AGBL4: variants seen among roughly 807,000 people sequenced by gnomAD.
AGBL4 encodes AGBL carboxypeptidase 4.
AGBL4 carries 58 observed loss-of-function variants against 66.4 expected under a neutral mutation model. That is an observed-to-expected ratio of 0.87 (90% CI 0.71 to 1.09). The LOEUF (loss-of-function observed/expected upper bound fraction) is 1.09, where lower values mean the gene tolerates loss of function less well. AGBL4 is among the 50% of genes least tolerant of loss of function. AGBL4 has a pLI of 0.00. For missense variants in AGBL4, 579 were observed against 631.0 expected, an observed-to-expected ratio of 0.92 and a Z score of 0.88; for synonymous variants, 234 against 222.9, an observed-to-expected ratio of 1.05 and a Z score of -0.44.
In AGBL4 at chr1:49,329,191, C is replaced by A. The variant is rs912907263; in HGVS notation, c.283-83327G>T. On this transcript the variant is annotated intron_variant, in intron 3 of 13. Coordinates refer to ENST00000371839, the MANE Select transcript of AGBL4 (RefSeq NM_032785.4). ...GCATGGTGGCACACATCTGTAATCC[C>A]AGCTACCCAGGAGGTTGAGGCATGA... Among the ~76,000 whole-genome samples, 4 of 152,124 alleles carry A rather than the reference C, an allele frequency of 2.6e-5. No homozygotes were observed. The East Asian group carries it at 7.8e-4, about 30-fold the overall frequency.
At position 49,706,740 on chromosome 1, in the gene AGBL4, C is replaced by T. The variant is rs367822249; in HGVS notation, c.158-9303G>A. On this transcript the variant is annotated intron_variant, in intron 2 of 13. Transcript: ENST00000371839. Reference sequence around the variant, plus strand: ...TAGCTGTGTCCCAGAGATGCTGGTACGTTGTCTCTTTGTTCTCATTGGTTT... The same window carrying T: ...TAGCTGTGTCCCAGAGATGCTGGTATGTTGTCTCTTTGTTCTCATTGGTTT... Among the ~76,000 whole-genome samples, 279 of 152,164 alleles carry T rather than the reference C, an allele frequency of 1.8e-3. 1 individual carries two copies. The highest frequency in any genetic ancestry group is 6.3e-3 in the African/African-American group (262 of 41,542).
intron 3 of AGBL4, among the ~76,000 whole-genome samples, chr1:49,263,127 G>GT (rs1181191107): frequency 2.6e-5 from 4 of 151,816 alleles, no homozygotes; most frequent in African/African-American, 4.8e-5. Context: ...GACACAGGAA[G>GT]GGGAACATCA....
chr1:49,179,963 G>A (rs545154746), intron 4 of AGBL4, among the ~76,000 whole-genome samples: 16 of 151,838 alleles, frequency 1.1e-4, no homozygotes, highest in South Asian at 6.2e-4. Context: ...GTGCAATGGC[G>A]CGATCTCGGC....
chr1:48,973,219 T>C (rs141319345), intron 5 of AGBL4, among the ~76,000 whole-genome samples: 2 of 152,310 alleles, frequency 1.3e-5, no homozygotes, highest in African/African-American at 4.8e-5. Context: ...TTCATGGCTA[T>C]AATTTTAAAA....
intron 3 of AGBL4, among the ~76,000 whole-genome samples, chr1:49,579,298 C>A (rs1208157823): frequency 6.6e-6 from 1 of 152,136 alleles, no homozygotes; most frequent in Non-Finnish European, 1.5e-5. Flanking sequence ...AATATGCTCT[C>A]TTTTTGAAGC....
At chr1:49,008,001 T>G in intron 5 of AGBL4, among the ~76,000 whole-genome samples, 1 of 152,108 alleles carries the variant, frequency 6.6e-6, no homozygotes, top group Admixed American at 6.5e-5. Flanking sequence ...AACATCATCA[T>G]GACAGGATCA....
chr1:48,632,168 C>T (rs1645604321), intron 9 of AGBL4, among the ~76,000 whole-genome samples: 1 of 151,998 alleles, frequency 6.6e-6, no homozygotes, highest in Admixed American at 6.6e-5. Flanking sequence ...TATTCCAGGC[C>T]AGCTTGACTC....
chr1:49,644,197 A>G (rs1379514114), intron 3 of AGBL4, among the ~76,000 whole-genome samples: 1 of 151,694 alleles, frequency 6.6e-6, no homozygotes, highest in African/African-American at 2.4e-5. Flanking sequence ...AAAATAATAC[A>G]ACAAAGAATT....
At chr1:49,518,380 T>C (rs1650000442) in intron 3 of AGBL4, among the ~76,000 whole-genome samples, 2 of 152,104 alleles carry the variant, frequency 1.3e-5, no homozygotes, top group African/African-American at 4.8e-5. Flanking sequence ...AACCAATATT[T>C]ATTGAGCATT....
chr1:49,266,837 A>G (rs148804397), intron 3 of AGBL4, among the ~76,000 whole-genome samples: 1 of 152,304 alleles, frequency 6.6e-6, no homozygotes, highest in Non-Finnish European at 1.5e-5. Flanking sequence ...AAAAAGTTTT[A>G]ACTTTCACTG....
chr1:50,007,980 A>AATTAGAAAT (rs1369655204), intron 1 of AGBL4, among the ~76,000 whole-genome samples: 1 of 150,374 alleles, frequency 6.7e-6, no homozygotes, highest in Non-Finnish European at 1.5e-5. Flanking sequence ...AGGATAAAAC[A>AATTAGAAAT]ATTAGAAATA....
chr1:48,656,358 T>G (rs1331354576), intron 7 of AGBL4, among the ~76,000 whole-genome samples: 2 of 152,226 alleles, frequency 1.3e-5, no homozygotes, highest in African/African-American at 4.8e-5. Flanking sequence ...CTCCAGGAAT[T>G]CATACAACTT....
At chr1:49,634,398 C>T (rs900267325) in intron 3 of AGBL4, among the ~76,000 whole-genome samples, 3 of 152,108 alleles carry the variant, frequency 2.0e-5, no homozygotes, top group South Asian at 2.1e-4. Flanking sequence ...TGAACCCATC[C>T]TTTTTTATGG....
intron 3 of AGBL4, among the ~76,000 whole-genome samples, chr1:49,468,140 T>C (rs1376867120): frequency 1.3e-5 from 2 of 151,874 alleles, no homozygotes; most frequent in African/African-American, 4.8e-5. Flanking sequence ...ATACACAGAT[T>C]GTTTTCAATC....
At chr1:48,994,947 G>C (rs1300072036) in intron 5 of AGBL4, among the ~76,000 whole-genome samples, 1 of 152,120 alleles carries the variant, frequency 6.6e-6, no homozygotes, top group Non-Finnish European at 1.5e-5. Flanking sequence ...GGATTATCTT[G>C]ATAAAAGAAG....
At chr1:49,740,204 G>A (rs1383483163) in intron 2 of AGBL4, among the ~76,000 whole-genome samples, 4 of 152,058 alleles carry the variant, frequency 2.6e-5, no homozygotes, top group South Asian at 2.1e-4. Context: ...GATGGAGGAA[G>A]ATCTACCAAG....
chr1:49,934,556 A>G (rs1653727396), intron 1 of AGBL4, among the ~76,000 whole-genome samples: 1 of 152,214 alleles, frequency 6.6e-6, no homozygotes, highest in South Asian at 2.1e-4. Flanking sequence ...CTTCTGAACA[A>G]CCAATGGGTC....
At chr1:49,544,878 G>T (rs760619428) in intron 3 of AGBL4, among the ~76,000 whole-genome samples, 1 of 152,176 alleles carries the variant, frequency 6.6e-6, no homozygotes, top group African/African-American at 2.4e-5. Flanking sequence ...TTGAGAGAAC[G>T]AGGTGAACCC....
chr1:49,103,957 C>A (rs1157883351), intron 4 of AGBL4, among the ~76,000 whole-genome samples: 2 of 152,120 alleles, frequency 1.3e-5, no homozygotes, highest in African/African-American at 4.8e-5. Flanking sequence ...CATTCAAATC[C>A]CTTAGTGATT....
Sources: gnomAD v4.1 joint callset for allele counts (sites outside exome capture counted in the v4.1 genomes callset) on GRCh38, gnomAD v4.1.1 for gene constraint, MANE v1.5 for transcripts, NCBI Gene and HGNC (gene_info 2026-07-23, HGNC 2026-07-21) for gene names.